ME1: variants seen among roughly 807,000 people sequenced by gnomAD.
The protein encoded by ME1 is malic enzyme 1, also known as NADP-dependent malic enzyme.
ME1 carries 74 observed loss-of-function variants against 66.4 expected under a neutral mutation model. That is an observed-to-expected ratio of 1.11 (90% CI 0.92 to 1.35). The LOEUF (loss-of-function observed/expected upper bound fraction) is 1.35. ME1 is among the 40% of genes most tolerant of loss of function. ME1 has a pLI of 0.00. For synonymous variants in ME1, 251 were observed against 235.6 expected, an observed-to-expected ratio of 1.07 and a Z score of -0.60; for missense variants, 750 against 694.1, an observed-to-expected ratio of 1.08 and a Z score of -0.90.
intron 3 of ME1, among the ~76,000 whole-genome samples, chr6:83,386,261 A>G (rs1226608168): frequency 6.6e-6 from 1 of 151,934 alleles, no homozygotes; most frequent in Non-Finnish European, 1.5e-5. Context: ...AACATCAACT[A>G]TTTGATGTTT....
At chr6:83,397,327 A>G (rs1769752973) in intron 3 of ME1, among the ~76,000 whole-genome samples, 1 of 152,174 alleles carries the variant, frequency 6.6e-6, no homozygotes, top group Non-Finnish European at 1.5e-5. Context: ...ACCAGAATAC[A>G]CAGTTCTCAA....
chr6:83,237,895 C>T, intron 8 of ME1, 65 bp from the exon 9 acceptor site: 1 of 788,536 alleles, frequency 1.3e-6, no homozygotes. Flanking sequence ...GGTTACATTT[C>T]ACCCCATTTT....
At chr6:83,240,839 A>G (rs1790497205) in intron 7 of ME1, among the ~76,000 whole-genome samples, 1 of 152,150 alleles carries the variant, frequency 6.6e-6, no homozygotes, top group Non-Finnish European at 1.5e-5. Flanking sequence ...TTGTATAATT[A>G]GGTAGCCGCA....
chr6:83,312,619 T>C (rs1767952261), intron 6 of ME1, among the ~76,000 whole-genome samples: 1 of 152,144 alleles, frequency 6.6e-6, no homozygotes, highest in Non-Finnish European at 1.5e-5. Flanking sequence ...GAAATTAGTG[T>C]CCATGTAAGT....
At chr6:83,383,739 T>C (rs1353621704) in intron 3 of ME1, among the ~76,000 whole-genome samples, 1 of 151,842 alleles carries the variant, frequency 6.6e-6, no homozygotes, top group Admixed American at 6.6e-5. Context: ...CAAATTATTA[T>C]AAATGCCATT....
chr6:83,237,879 A>C (rs772479785), intron 8 of ME1, 49 bp from the exon 9 acceptor site: 8 of 967,594 alleles, frequency 8.3e-6, no homozygotes, highest in Non-Finnish European at 9.3e-6. Flanking sequence ...ATGATATCTT[A>C]TTAAGGGTTA....
intron 7 of ME1, among the ~76,000 whole-genome samples, chr6:83,240,769 A>G (rs913068921): frequency 6.6e-6 from 1 of 152,176 alleles, no homozygotes; most frequent in African/African-American, 2.4e-5. Flanking sequence ...GTCAAGTATC[A>G]AAGGTAATCA....
intron 3 of ME1, among the ~76,000 whole-genome samples, chr6:83,394,224 T>G (rs1769686462): frequency 6.6e-6 from 1 of 152,046 alleles, no homozygotes; most frequent in Non-Finnish European, 1.5e-5. Context: ...CATGGATATG[T>G]GCTATTAATG....
chr6:83,242,060 G>A (rs938461110), intron 7 of ME1, among the ~76,000 whole-genome samples: 13 of 151,988 alleles, frequency 8.6e-5, no homozygotes, highest in Non-Finnish European at 1.9e-4. Context: ...ACAGCGTTTT[G>A]CCATGTTGGC....
intron 7 of ME1, among the ~76,000 whole-genome samples, chr6:83,249,906 C>T (rs1268337870): frequency 6.6e-6 from 1 of 152,164 alleles, no homozygotes; most frequent in Non-Finnish European, 1.5e-5. Context: ...TCTTCCCTAT[C>T]CAGCTTAGGG....
At chr6:83,225,549 T>G (rs1372679997) in intron 11 of ME1, among the ~76,000 whole-genome samples, 1 of 152,036 alleles carries the variant, frequency 6.6e-6, no homozygotes, top group East Asian at 1.9e-4. Context: ...GTTCTTAAAG[T>G]TGTATAACAG....
chr6:83,428,418 A>G (rs1407209807), intron 1 of ME1, among the ~76,000 whole-genome samples: 3 of 152,236 alleles, frequency 2.0e-5, no homozygotes, highest in Non-Finnish European at 4.4e-5. Context: ...AACTATATCA[A>G]TGGAAATAAA....
At chr6:83,332,759 A>G (rs1768439799) in intron 5 of ME1, among the ~76,000 whole-genome samples, 1 of 152,108 alleles carries the variant, frequency 6.6e-6, no homozygotes, top group Non-Finnish European at 1.5e-5. Context: ...CTCAGATGGG[A>G]GGAGGGTAGG....
chr6:83,212,158 TG>T, intron 13 of ME1, 64 bp from the exon 14 acceptor site: 1 of 1,198,422 alleles, frequency 8.3e-7, no homozygotes, highest in Non-Finnish European at 1.1e-6. Flanking sequence ...CCCATGTGAG[TG>T]GAAGTTTTTA....
chr6:83,304,913 G>A (rs575119127), intron 6 of ME1, among the ~76,000 whole-genome samples: 25 of 152,196 alleles, frequency 1.6e-4, no homozygotes, highest in Middle Eastern at 3.4e-3. Context: ...ATTAAATGTC[G>A]TTAGATTACT....
At chr6:83,309,369 T>C (rs1022431384) in intron 6 of ME1, among the ~76,000 whole-genome samples, 1 of 152,124 alleles carries the variant, frequency 6.6e-6, no homozygotes, top group African/African-American at 2.4e-5. Flanking sequence ...ATACTGACAA[T>C]GAGAAAAGGT....
At chr6:83,367,601 C>T (rs998624270) in intron 3 of ME1, among the ~76,000 whole-genome samples, 1 of 152,182 alleles carries the variant, frequency 6.6e-6, no homozygotes, top group Non-Finnish European at 1.5e-5. Context: ...ATAAAGATGG[C>T]TTCTTTCCTT....
intron 6 of ME1, among the ~76,000 whole-genome samples, chr6:83,306,646 G>A (rs981982155): frequency 6.6e-6 from 1 of 152,090 alleles, no homozygotes; most frequent in Non-Finnish European, 1.5e-5. Context: ...TCTAGTTTAT[G>A]TTGGGGAGCT....
At chr6:83,285,493 A>G (rs1346481172) in intron 6 of ME1, among the ~76,000 whole-genome samples, 1 of 152,196 alleles carries the variant, frequency 6.6e-6, no homozygotes, top group East Asian at 1.9e-4. Context: ...TAAACTATGT[A>G]CCATGTTATA....
Sources: gnomAD v4.1 joint callset for allele counts (sites outside exome capture counted in the v4.1 genomes callset) on GRCh38, gnomAD v4.1.1 for gene constraint, MANE v1.5 for transcripts, NCBI Gene and HGNC (gene_info 2026-07-23, HGNC 2026-07-21) for gene names.